Variants in GRID2 observed in about 807,000 individuals in gnomAD.
The protein encoded by GRID2 is glutamate receptor ionotropic, delta-2.
A neutral mutation model predicts 114.8 loss-of-function variants in GRID2; 33 were observed. The observed-to-expected ratio is 0.29, with a 90% CI of 0.22 to 0.38. The LOEUF is 0.38. Ranked by LOEUF, GRID2 falls within the 10% of genes least tolerant of loss-of-function variation. The pLI is 1.00. For synonymous variants in GRID2, 505 were observed against 449.9 expected, an observed-to-expected ratio of 1.12 and a Z score of -1.55; for missense variants, 1,184 against 1,257.7, an observed-to-expected ratio of 0.94 and a Z score of 0.89.
At chr4:93,666,491 A>G (rs1177302887) in intron 14 of GRID2, among the ~76,000 whole-genome samples, 1 of 152,090 alleles carries the variant, frequency 6.6e-6, no homozygotes, top group Non-Finnish European at 1.5e-5. Context: ...GGGCGATTTG[A>G]AGAGTGCAAT....
intron 2 of GRID2, among the ~76,000 whole-genome samples, chr4:92,981,717 G>A (rs1754223874): frequency 6.6e-6 from 1 of 151,882 alleles, no homozygotes; most frequent in South Asian, 2.1e-4. Flanking sequence ...CAACAGTTCT[G>A]GAGAGACATG....
chr4:93,735,710 G>A (rs1730868228), intron 14 of GRID2, among the ~76,000 whole-genome samples: 2 of 151,962 alleles, frequency 1.3e-5, no homozygotes, highest in Non-Finnish European at 2.9e-5. Flanking sequence ...ATAAAATAAT[G>A]TTTTCTTCTG....
intron 4 of GRID2, among the ~76,000 whole-genome samples, chr4:93,142,911 G>A (rs1460081548): frequency 6.6e-6 from 1 of 152,142 alleles, no homozygotes; most frequent in South Asian, 2.1e-4. Flanking sequence ...CATAGCAGTG[G>A]CAGCATCCAT....
At chr4:93,084,250 T>C (rs552419149) in intron 2 of GRID2, among the ~76,000 whole-genome samples, 1 of 152,282 alleles carries the variant, frequency 6.6e-6, no homozygotes, top group African/African-American at 2.4e-5. Flanking sequence ...TTAAGTACAT[T>C]TTGAGGTATG....
intron 13 of GRID2, among the ~76,000 whole-genome samples, chr4:93,617,546 C>T (rs938302551): frequency 2.0e-5 from 3 of 152,060 alleles, no homozygotes; most frequent in African/African-American, 7.2e-5. Flanking sequence ...TATTTCTGTC[C>T]TTCCATCTGT....
intron 4 of GRID2, among the ~76,000 whole-genome samples, chr4:93,130,020 G>T (rs1734649646): frequency 6.6e-6 from 1 of 152,150 alleles, no homozygotes; most frequent in Non-Finnish European, 1.5e-5. Context: ...CCTTCAGGCT[G>T]CCAGACATAG....
At chr4:93,602,800 G>A (rs1396140630) in intron 13 of GRID2, among the ~76,000 whole-genome samples, 1 of 152,190 alleles carries the variant, frequency 6.6e-6, no homozygotes, top group Non-Finnish European at 1.5e-5. Context: ...CAGGTTGAAA[G>A]CCAAGACAGG....
At chr4:92,780,479 A>G (rs112534501) in intron 2 of GRID2, among the ~76,000 whole-genome samples, 3 of 152,230 alleles carry the variant, frequency 2.0e-5, no homozygotes, top group African/African-American at 7.2e-5. Context: ...AACAGTCTTC[A>G]TTTTTATTAC....
chr4:93,506,056 C>T lies in GRID2; in HGVS notation c.1998-9160C>T, dbSNP rs117895178. 2.7e-3 allele frequency among the ~76,000 whole-genome samples: 409 copies of T among 152,220 alleles called. 8 individuals are homozygous for T. In the East Asian group the frequency reaches 0.036, roughly 13 times the overall value. ...CCTTAGATTCTCTAAAATGGCCTGC[C>T]GTGTCCACATATCTGAACTAACTCC... On this transcript the variant is annotated intron_variant, in intron 12 of 15. Transcript: ENST00000282020.
intron 1 of GRID2, among the ~76,000 whole-genome samples, chr4:92,588,323 ATAT>A (rs1336642773): frequency 1.3e-5 from 2 of 152,082 alleles, no homozygotes; most frequent in African/African-American, 4.8e-5. Flanking sequence ...TAAAATAATA[ATAT>A]TCTCACTAGT....
intron 2 of GRID2, among the ~76,000 whole-genome samples, chr4:92,757,916 T>C (rs1360374068): frequency 1.3e-5 from 2 of 150,890 alleles, no homozygotes; most frequent in Non-Finnish European, 3.0e-5. Context: ...CTAAGAAAGG[T>C]TTTAAACAGA....
At chr4:93,576,128 A>G (rs986651215) in intron 13 of GRID2, among the ~76,000 whole-genome samples, 6 of 152,228 alleles carry the variant, frequency 3.9e-5, no homozygotes, top group African/African-American at 1.4e-4. Flanking sequence ...GGTATTGCTT[A>G]CATGTGAAAA....
chr4:92,640,143 C>G (rs541238481), intron 2 of GRID2, among the ~76,000 whole-genome samples: 1 of 151,476 alleles, frequency 6.6e-6, no homozygotes, highest in South Asian at 2.1e-4. Flanking sequence ...CTTTTAATAC[C>G]GTTTTACACA....
At chr4:93,628,572 A>G (rs1005287733) in intron 14 of GRID2, among the ~76,000 whole-genome samples, 4 of 152,124 alleles carry the variant, frequency 2.6e-5, no homozygotes, top group African/African-American at 9.7e-5. Context: ...CTTTTAATTT[A>G]GTTGTGAGGA....
chr4:93,126,618 G>A (rs1446687175), intron 4 of GRID2, among the ~76,000 whole-genome samples: 1 of 38,348 alleles, frequency 2.6e-5, no homozygotes, highest in Admixed American at 5.5e-4. Flanking sequence ...TTTTTTTTGA[G>A]ACGGAGTCTC....
chr4:93,772,734 C>A lies in GRID2; in HGVS notation c.*236C>A. On this transcript the variant is annotated 3_prime_UTR_variant, in exon 16 of 16. Coordinates refer to ENST00000282020, the MANE Select transcript of GRID2 (RefSeq NM_001510.4). ...TTTTTTTCATTACTCAACTTGTTCC[C>A]CAAGAAGGTAGTGTACTAGGATCCT... The A allele has an allele frequency of 2.0e-6, 1 of 502,438 alleles. No individual in the cohort carries two copies. Among genetic ancestry groups the A allele is most frequent in the Non-Finnish European group, 3.5e-6 (1 of 286,136 alleles). The allele number at this position is 502,438 out of a possible 1,614,324, so 31.1% of individuals were successfully genotyped here.
chr4:92,670,084 A>G (rs1732984200), intron 2 of GRID2, among the ~76,000 whole-genome samples: 1 of 152,108 alleles, frequency 6.6e-6, no homozygotes, highest in Non-Finnish European at 1.5e-5. Context: ...AATGTGAATA[A>G]CATAAAGGAC....
At chr4:92,850,011 T>A (rs932079775) in intron 2 of GRID2, among the ~76,000 whole-genome samples, 1 of 151,382 alleles carries the variant, frequency 6.6e-6, no homozygotes, top group Non-Finnish European at 1.5e-5. Flanking sequence ...AATTTAAATA[T>A]CTTTAAAACA....
chr4:92,441,624 G>A (rs185137224), intron 1 of GRID2, among the ~76,000 whole-genome samples: 1 of 152,078 alleles, frequency 6.6e-6, no homozygotes, highest in African/African-American at 2.4e-5. Context: ...ATTGTAAGGA[G>A]AGTTTATAGG....
Sources: gnomAD v4.1 joint callset for allele counts (sites outside exome capture counted in the v4.1 genomes callset) on GRCh38, gnomAD v4.1.1 for gene constraint, MANE v1.5 for transcripts, NCBI Gene and HGNC (gene_info 2026-07-23, HGNC 2026-07-21) for gene names.